COL11A1: variants seen among roughly 807,000 people sequenced by gnomAD.
The protein encoded by COL11A1 is collagen alpha-1(XI) chain.
COL11A1 carries 74 observed loss-of-function variants against 265.2 expected under a neutral mutation model. That is an observed-to-expected ratio of 0.28 (90% CI 0.23 to 0.34). The LOEUF is 0.34. Among genes scored for constraint, COL11A1 ranks in the 10% least tolerant of loss-of-function variants. The pLI, the probability that COL11A1 is intolerant of heterozygous loss-of-function variation, is 1.00. For missense variants in COL11A1, 2,165 were observed against 2,263.6 expected (o/e 0.96, Z 0.88); for synonymous variants, 816 against 727.6 (o/e 1.12, Z -1.96).
chr1:103,072,878 C>T (rs867519195), intron 4 of COL11A1, among the ~76,000 whole-genome samples: 2 of 151,676 alleles, frequency 1.3e-5, no homozygotes, highest in Non-Finnish European at 3.0e-5. Flanking sequence ...TCCTACTCTA[C>T]AGACTTCTAA....
intron 28 of COL11A1, 56 bp from the exon 29 acceptor site, chr1:102,989,627 T>A: frequency 8.3e-7 from 1 of 1,207,706 alleles, no homozygotes; most frequent in Non-Finnish European, 1.2e-6. Context: ...TGGAGTAACC[T>A]AAAATATTGC....
At chr1:103,004,384 A>C in intron 20 of COL11A1, 60 bp downstream of exon 20, 1 of 1,206,502 alleles carries the variant, frequency 8.3e-7, no homozygotes, top group Non-Finnish European at 1.2e-6. Context: ...TATGTGTAAC[A>C]CCAGTCACTA....
chr1:102,981,317 C>T (rs1017816705), intron 31 of COL11A1, among the ~76,000 whole-genome samples: 12 of 151,834 alleles, frequency 7.9e-5, no homozygotes, highest in African/African-American at 2.7e-4. Context: ...CAGTTAGCTA[C>T]GTCTAGCACA....
chr1:102,971,895 C>T (rs1196129553), intron 36 of COL11A1, among the ~76,000 whole-genome samples: 1 of 152,090 alleles, frequency 6.6e-6, no homozygotes, highest in Non-Finnish European at 1.5e-5. Context: ...TGTTTTTAAC[C>T]AAGGACCCAA....
At chr1:102,997,043 ATT>A (rs1664696917) in intron 26 of COL11A1, 35 bp downstream of exon 26, 1 of 1,575,038 alleles carries the variant, frequency 6.3e-7, no homozygotes, top group Non-Finnish European at 8.7e-7. Context: ...TTGGAAATTT[ATT>A]AATAGGACAT....
Position 102,898,993 on chromosome 1 carries a change from C to T in COL11A1, c.4088G>A (p.Gly1363Asp). Residue 1363 changes from glycine (G) to aspartate (D), a missense_variant and splice_region_variant, in exon 55 of 67, where the codon GGT becomes GAT. Coordinates refer to ENST00000370096, the MANE Select transcript of COL11A1 (RefSeq NM_001854.4). ...CTCTGCACCTGCAGCTCCAGGAGGACCCTATAGACATAAGATTTATTGTAA... is the reference window on the plus strand; with the variant it reads ...CTCTGCACCTGCAGCTCCAGGAGGATCCTATAGACATAAGATTTATTGTAA... ...AGPPGPPGKR[G>D]PPGAAGAEGR... 6.5e-7 allele frequency: 1 copy of T among 1,533,490 alleles called. No individual in the cohort carries two copies. The allele number at this position is 1,533,490 out of a possible 1,614,324, so 95.0% of individuals were successfully genotyped here.
chr1:103,046,072 T>C (rs895096405), intron 4 of COL11A1, among the ~76,000 whole-genome samples: 8 of 151,620 alleles, frequency 5.3e-5, no homozygotes, highest in African/African-American at 1.9e-4. Context: ...AGTGCTGCAA[T>C]AAACATACGT....
chr1:102,965,836 T>G (rs1661350946), intron 37 of COL11A1, among the ~76,000 whole-genome samples: 1 of 152,290 alleles, frequency 6.6e-6, no homozygotes, highest in South Asian at 2.1e-4. Flanking sequence ...ATACAGAATT[T>G]TAACCCAGTA....
At chr1:102,946,736 G>C (rs1341016905) in intron 42 of COL11A1, 113 bp downstream of exon 42, 1 of 840,460 alleles carries the variant, frequency 1.2e-6, no homozygotes, top group Non-Finnish European at 2.0e-6. Flanking sequence ...TTACATGCCA[G>C]ACACATATGC....
chr1:103,052,862 C>T (rs1198288179), intron 4 of COL11A1, among the ~76,000 whole-genome samples: 1 of 152,128 alleles, frequency 6.6e-6, no homozygotes, highest in Admixed American at 6.6e-5. Context: ...ATCTAGCACT[C>T]AAGAAATACG....
chr1:102,918,443 T>C (rs1655604224), intron 49 of COL11A1, among the ~76,000 whole-genome samples: 2 of 151,976 alleles, frequency 1.3e-5, no homozygotes, highest in African/African-American at 2.4e-5. Context: ...GATACTGGTT[T>C]TTTTATTCTT....
At chr1:103,016,564 C>G (rs1180597201) in intron 11 of COL11A1, among the ~76,000 whole-genome samples, 1 of 151,718 alleles carries the variant, frequency 6.6e-6, no homozygotes, top group Non-Finnish European at 1.5e-5. Context: ...GTCAGGGAAG[C>G]AAGTAAATTC....
At chr1:103,063,721 A>G (rs1231905046) in intron 4 of COL11A1, among the ~76,000 whole-genome samples, 1 of 152,186 alleles carries the variant, frequency 6.6e-6, no homozygotes, top group African/African-American at 2.4e-5. Context: ...GGCTTTATTA[A>G]AATTTAAAAC....
chr1:102,938,706 A>G (rs1360013194), intron 44 of COL11A1, among the ~76,000 whole-genome samples: 1 of 152,146 alleles, frequency 6.6e-6, no homozygotes, highest in East Asian at 1.9e-4. Flanking sequence ...TACATGTAGA[A>G]CATAGTAATA....
At chr1:103,007,043 G>T (rs549087687) in intron 15 of COL11A1, among the ~76,000 whole-genome samples, 1 of 150,286 alleles carries the variant, frequency 6.7e-6, no homozygotes, top group African/African-American at 2.5e-5. Flanking sequence ...CTTTCATTGC[G>T]CTTATAATGT....
At chr1:103,042,354 T>G (rs2102058221) in intron 4 of COL11A1, among the ~76,000 whole-genome samples, 1 of 152,186 alleles carries the variant, frequency 6.6e-6, no homozygotes, top group South Asian at 2.1e-4. Flanking sequence ...CCTGAGAAAA[T>G]TAGAGGATTT....
rs554430238 is a variant in COL11A1 at position 102,905,286 on chromosome 1, C to A, written c.4087-6292G>T. On this transcript the variant is annotated intron_variant, in intron 54 of 66. Coordinates refer to ENST00000370096, the MANE Select transcript of COL11A1 (RefSeq NM_001854.4). ...ATACCTAATGCTAAATGACGAGTTACTGGGTGCAGCACACCAACATGGCAC... is the reference window on the plus strand; with the variant it reads ...ATACCTAATGCTAAATGACGAGTTAATGGGTGCAGCACACCAACATGGCAC... 1.3e-4 allele frequency among the ~76,000 whole-genome samples: 20 copies of A among 150,204 alleles called. No homozygotes were observed. In the East Asian group the frequency reaches 1.6e-3, roughly 12 times the overall value.
rs1654750281 is a variant in COL11A1, at chr1:102,912,073, G to A, written c.4086+86C>T. 5 of 1,083,922 alleles carry A rather than the reference G, an allele frequency of 4.6e-6. No individual in the cohort carries two copies. The South Asian group carries it at 7.3e-5, about 16-fold the overall frequency. 67.1% of individuals were successfully genotyped at this position (1,083,922 alleles called of 1,614,324 possible). A position where few individuals can be genotyped will look rare whatever the true frequency, so the allele number is the denominator to read the frequency against. On this transcript the variant is annotated intron_variant, in intron 54 of 66. Coordinates refer to ENST00000370096, the MANE Select transcript of COL11A1 (RefSeq NM_001854.4). Reference sequence around the variant, plus strand: ...ATATTTCTCATTATTCTTATAACATGCTGCCTGCAGCTTACACACATTATA... The same window carrying A: ...ATATTTCTCATTATTCTTATAACATACTGCCTGCAGCTTACACACATTATA...
chr1:103,030,780 A>G (rs1177853759), intron 5 of COL11A1: 1 of 342,114 alleles, frequency 2.9e-6, no homozygotes, highest in Non-Finnish European at 5.7e-6. Flanking sequence ...ATGTTATTCT[A>G]TCTTGAGGCT....
Sources: gnomAD v4.1 joint callset for allele counts (sites outside exome capture counted in the v4.1 genomes callset) on GRCh38, gnomAD v4.1.1 for gene constraint, MANE v1.5 for transcripts, NCBI Gene and HGNC (gene_info 2026-07-23, HGNC 2026-07-21) for gene names.